The following SMTNL2 variants were observed in gnomAD, a reference collection of about 807,000 sequenced individuals.
The protein encoded by SMTNL2 is smoothelin-like protein 2.
Under a neutral mutation model 44.1 loss-of-function variants are expected in SMTNL2, and 43 were observed. The observed-to-expected ratio is 0.98, with a 90% CI of 0.76 to 1.26. The LOEUF (loss-of-function observed/expected upper bound fraction) is 1.26, where lower values mean the gene tolerates loss of function less well. SMTNL2 is among the 50% of genes most tolerant of loss of function. The probability of loss-of-function intolerance (pLI) is 0.00; values close to 1 mark genes in which losing one functional copy is unlikely to be tolerated. For synonymous variants in SMTNL2, 317 were observed against 287.6 expected (o/e 1.10, Z -1.03); for missense variants, 646 against 670.2 (o/e 0.96, Z 0.40).
At chr17:4,605,859 G>A (rs1910251984) in intron 7 of SMTNL2, among the ~76,000 whole-genome samples, 1 of 152,204 alleles carries the variant, frequency 6.6e-6, no homozygotes, top group Non-Finnish European at 1.5e-5. Context: ...AGAGGAGGCA[G>A]GGGGCGCAGG....
At position 4,584,612 on chromosome 17, in the gene SMTNL2, C is replaced by A. The variant is rs1005932884; in HGVS notation, c.7C>A (p.Pro3Thr). 4.8e-6 allele frequency: 6 copies of A among 1,241,434 alleles called. No individual in the cohort carries two copies. The African/African-American group carries it at 7.8e-5, about 16-fold the overall frequency. 76.9% of individuals were successfully genotyped at this position (1,241,434 alleles called of 1,614,324 possible). The change falls in exon 1 of 8, where the codon CCG becomes ACG. Residue 3 changes from proline to threonine, a missense_variant. Transcript: ENST00000389313. ME[P>T]APDAQEARTV... ...CCGCGCGCTCTGCTGGGCCATGGAG[C>A]CGGCCCCCGACGCCCAGGAGGCGCG... is the stretch of plus-strand genomic sequence containing the variant.
At chr17:4,585,061 C>A in intron 1 of SMTNL2, 57 bp downstream of exon 1, 2 of 1,282,688 alleles carry the variant, frequency 1.6e-6, no homozygotes, top group South Asian at 2.2e-5. Context: ...GAACCGGGTG[C>A]CGCCCCTTCG....
At chr17:4,603,536 A>C (rs1242002429) in intron 7 of SMTNL2, among the ~76,000 whole-genome samples, 1 of 152,126 alleles carries the variant, frequency 6.6e-6, no homozygotes, top group African/African-American at 2.4e-5. Flanking sequence ...GAGATGAACA[A>C]GCTGAGGCAG....
chr17:4,606,584 G>T (rs1164043780), intron 7 of SMTNL2, among the ~76,000 whole-genome samples: 2 of 151,868 alleles, frequency 1.3e-5, no homozygotes, highest in Middle Eastern at 3.2e-3. Flanking sequence ...AACATAGTGA[G>T]ACCCCATCTC....
chr17:4,603,835 T>A (rs1251865310), intron 7 of SMTNL2, among the ~76,000 whole-genome samples: 1 of 151,922 alleles, frequency 6.6e-6, no homozygotes, highest in Non-Finnish European at 1.5e-5. Flanking sequence ...GAACTCAGAT[T>A]TTCTTTTCTT....
chr17:4,593,288 C>G lies in SMTNL2; in HGVS notation c.730+117C>G, dbSNP rs565940499. The G allele has an allele frequency of 7.9e-6, 11 of 1,391,356 alleles. No individual in the cohort carries two copies. The East Asian group carries it at 2.7e-4, about 35-fold the overall frequency. The allele number at this position is 1,391,356 out of a possible 1,614,324, so 86.2% of individuals were successfully genotyped here. A position where few individuals can be genotyped will look rare whatever the true frequency, so the allele number is the denominator to read the frequency against. The stretch of plus-strand genomic sequence containing the variant: ...ATGGAAAACGAGGGGCTAAGCCCAG[C>G]CCTGCCTCTGCCTGCCATGTCAGCC... On this transcript the variant is annotated intron_variant, in intron 3 of 7. Coordinates refer to ENST00000389313, the MANE Select transcript of SMTNL2 (RefSeq NM_001114974.2).
At position 4,586,594 on chromosome 17, in the gene SMTNL2, G is replaced by A. The variant is rs1018222218; in HGVS notation, c.399+1590G>A. ...AATGGAGATTAGCCATTGTTCACTG[G>A]CACCAAGCTAGTCCACTAGGTTAGG... On this transcript the variant is annotated intron_variant, in intron 1 of 7. Transcript: ENST00000389313. 9.2e-5 allele frequency among the ~76,000 whole-genome samples: 14 copies of A among 152,052 alleles called. 1 individual carries two copies. Among genetic ancestry groups the A allele is most frequent in the African/African-American group, 2.4e-5 (1 of 41,386 alleles).
At chr17:4,590,365 A>C (rs1218351325) in intron 1 of SMTNL2, among the ~76,000 whole-genome samples, 1 of 151,996 alleles carries the variant, frequency 6.6e-6, no homozygotes, top group Non-Finnish European at 1.5e-5. Flanking sequence ...CATTCTCCGC[A>C]GACTGCTCTG....
chr17:4,589,724 C>T (rs1168598098), intron 1 of SMTNL2, among the ~76,000 whole-genome samples: 14 of 152,062 alleles, frequency 9.2e-5, no homozygotes, highest in Non-Finnish European at 2.9e-5. Flanking sequence ...CCCTCAGACC[C>T]TTTCCCCTGG....
rs927173712 is a variant in SMTNL2, at chr17:4,598,489, C to T, written c.1259+1166C>T. 1.3e-5 allele frequency among the ~76,000 whole-genome samples: 2 copies of T among 152,170 alleles called. No homozygotes were observed. The highest frequency in any genetic ancestry group is 1.5e-5 in the Non-Finnish European group (1 of 68,036). On this transcript the variant is annotated intron_variant, in intron 7 of 7. Transcript: ENST00000389313. This position sits in a 1 kb window ranked among gnomAD's most constrained non-coding sequence, Gnocchi z 4.8. The stretch of plus-strand genomic sequence containing the variant: ...GCCTCTGACGTCGGTCTACAACCGA[C>T]CTTGTTTGTTTCTGGTCTGAGTCCT...
rs540120179 is a variant in SMTNL2 at position 4,586,672 on chromosome 17, C to T, written c.399+1668C>T. Among the ~76,000 whole-genome samples the T allele has an allele frequency of 2.6e-4, 40 of 152,270 alleles. 1 individual carries two copies. Among genetic ancestry groups the T allele is most frequent in the African/African-American group, 8.9e-4 (37 of 41,542 alleles). Reference sequence around the variant, plus strand: ...GTCTTCTTTGTGTCTGGCAAGCCCTCTTCGGGGTGGATGGAAGGTGGAGGG... The same window carrying T: ...GTCTTCTTTGTGTCTGGCAAGCCCTTTTCGGGGTGGATGGAAGGTGGAGGG... On this transcript the variant is annotated intron_variant, in intron 1 of 7. Coordinates refer to ENST00000389313, the MANE Select transcript of SMTNL2 (RefSeq NM_001114974.2).
intron 7 of SMTNL2, among the ~76,000 whole-genome samples, chr17:4,602,953 T>C (rs1597417906): frequency 6.6e-6 from 1 of 152,318 alleles, no homozygotes; most frequent in South Asian, 2.1e-4. Flanking sequence ...GGGGACCATA[T>C]GGATCATGGC....
At position 4,593,757 on chromosome 17, in the gene SMTNL2, G is replaced by A. The variant is rs148075120; in HGVS notation, c.731-65G>A. The A allele has an allele frequency of 9.6e-3, 14,680 of 1,526,702 alleles. 90 individuals carry two copies. Among genetic ancestry groups the A allele is most frequent in the Non-Finnish European group, 0.011 (12,216 of 1,106,544 alleles). The allele number at this position is 1,526,702 out of a possible 1,614,324, so 94.6% of individuals were successfully genotyped here. A position where few individuals can be genotyped will look rare whatever the true frequency, so the allele number is the denominator to read the frequency against. On this transcript the variant is annotated intron_variant, in intron 3 of 7. Coordinates refer to ENST00000389313, the MANE Select transcript of SMTNL2 (RefSeq NM_001114974.2). Reference sequence around the variant, plus strand: ...ATGAGGCAGGGCTGGGTCAGAGGAAGGGAGGCTATGGCGGGCCCTCCCTGG... The same window carrying A: ...ATGAGGCAGGGCTGGGTCAGAGGAAAGGAGGCTATGGCGGGCCCTCCCTGG...
At chr17:4,590,345 G>A (rs1473131395) in intron 1 of SMTNL2, among the ~76,000 whole-genome samples, 1 of 152,000 alleles carries the variant, frequency 6.6e-6, no homozygotes, top group Non-Finnish European at 1.5e-5. Flanking sequence ...CTACGTCTCT[G>A]GCTGCTCCTC....
At chr17:4,596,668 G>A (rs555043816) in intron 5 of SMTNL2, among the ~76,000 whole-genome samples, 192 bp from the exon 6 acceptor site, 8 of 152,290 alleles carry the variant, frequency 5.3e-5, no homozygotes, top group South Asian at 2.1e-4. Flanking sequence ...AGGCTGTGTC[G>A]CTGGTACATG....
Position 4,588,115 on chromosome 17 carries a change from G to C in SMTNL2, c.399+3111G>C, listed in dbSNP as rs557289199. Among the ~76,000 whole-genome samples, 4 of 152,342 alleles carry C rather than the reference G, an allele frequency of 2.6e-5. No individual in the cohort carries two copies. The South Asian group carries it at 8.3e-4, about 32-fold the overall frequency. On this transcript the variant is annotated intron_variant, in intron 1 of 7. Coordinates refer to ENST00000389313, the MANE Select transcript of SMTNL2 (RefSeq NM_001114974.2). ...AGTTAAATGCTTTAGGGAGAAGTTT[G>C]AATTAAGTCCTTTCAAACGGTGTTG...
Position 4,595,135 on chromosome 17 carries a change from C to G in SMTNL2, c.807-10C>G, listed in dbSNP as rs1037804921. The G allele has an allele frequency of 6.2e-7, 1 of 1,613,090 alleles. No individual in the cohort carries two copies. On this transcript the variant is annotated splice_polypyrimidine_tract_variant and intron_variant, in intron 4 of 7. Transcript: ENST00000389313. The surrounding 1 kb of genome is among the most constrained non-coding windows in gnomAD (Gnocchi z 5.1). ...GGGCCCAGGTCCCAACTCGGCGATT[C>G]TTTCCTCAGCCCACCGCTGGTGACA...
chr17:4,606,018 A>C (rs553356263), intron 7 of SMTNL2, among the ~76,000 whole-genome samples: 1 of 152,332 alleles, frequency 6.6e-6, no homozygotes, highest in East Asian at 1.9e-4. Context: ...CACAGTGTAC[A>C]CACGAGTCTA....
At chr17:4,603,187 C>T (rs541152593) in intron 7 of SMTNL2, among the ~76,000 whole-genome samples, 8 of 152,210 alleles carry the variant, frequency 5.3e-5, no homozygotes, top group Non-Finnish European at 8.8e-5. Context: ...CGGAAAATGC[C>T]GGCAATTCTG....
Sources: gnomAD v4.1 joint callset for allele counts (sites outside exome capture counted in the v4.1 genomes callset) on GRCh38, gnomAD v4.1.1 for gene constraint, Gnocchi (gnomAD v3.1) non-coding constraint, MANE v1.5 for transcripts, NCBI Gene and HGNC (gene_info 2026-07-23, HGNC 2026-07-21) for gene names.